Variants in STK32B observed in about 807,000 individuals in gnomAD.
STK32B encodes serine/threonine kinase 32B.
In STK32B, 43 loss-of-function variants were observed where a neutral mutation model predicts 52.6. That is an observed-to-expected ratio of 0.82 (90% CI 0.64 to 1.05). The LOEUF (loss-of-function observed/expected upper bound fraction) is 1.05, where lower values mean the gene tolerates loss of function less well. Ranked by LOEUF, STK32B falls within the 50% of genes least tolerant of loss-of-function variation. STK32B has a pLI of 0.00. For missense variants in STK32B, 621 were observed against 534.6 expected (o/e 1.16, Z -1.59); for synonymous variants, 238 against 204.3 (o/e 1.17, Z -1.41).
chr4:5,157,849 C>T lies in STK32B; in HGVS notation c.109-10450C>T, dbSNP rs568818192. ...AGTTGCCTAACTTCTCTGAGCCTCACGTTAGCTGCTATTCCTATGTAGGAA... is the reference window on the plus strand; with the variant it reads ...AGTTGCCTAACTTCTCTGAGCCTCATGTTAGCTGCTATTCCTATGTAGGAA... On this transcript the variant is annotated intron_variant, in intron 2 of 11. Coordinates refer to ENST00000282908, the MANE Select transcript of STK32B (RefSeq NM_018401.3). Among the ~76,000 whole-genome samples the T allele has an allele frequency of 6.6e-5, 10 of 152,314 alleles. No individual in the cohort carries two copies. The South Asian group carries it at 1.2e-3, about 19-fold the overall frequency.
chr4:5,238,424 C>A (rs1240164069), intron 3 of STK32B, among the ~76,000 whole-genome samples: 1 of 152,080 alleles, frequency 6.6e-6, no homozygotes, highest in Non-Finnish European at 1.5e-5. Flanking sequence ...AGGACCCACC[C>A]TAATTCAGAA....
chr4:5,199,270 C>T lies in STK32B; in HGVS notation c.260+30820C>T, dbSNP rs1170393569. 3.9e-5 allele frequency among the ~76,000 whole-genome samples: 6 copies of T among 152,304 alleles called. No individual in the cohort carries two copies. In the East Asian group the frequency reaches 5.8e-4, roughly 15 times the overall value. ...CAAGCAAGGCAGGCTTGTGCATCAA[C>T]ATTGTGCAGAAAGTAGAAGGACTAA... is the stretch of plus-strand genomic sequence containing the variant. On this transcript the variant is annotated intron_variant, in intron 3 of 11. Transcript: ENST00000282908.
intron 1 of STK32B, among the ~76,000 whole-genome samples, chr4:5,113,525 G>A (rs1345940976): frequency 1.3e-5 from 2 of 151,778 alleles, no homozygotes; most frequent in Admixed American, 1.3e-4. Flanking sequence ...TTTTGGGTTT[G>A]TTTATTACAG....
chr4:5,019,580 AG>A, the STK32B span: 1 of 958,056 alleles, frequency 1.0e-6, no homozygotes, highest in Non-Finnish European at 1.4e-6. Flanking sequence ...AGAGGAAGCC[AG>A]CACGCCCACC....
chr4:5,133,509 A>G (rs760484447), intron 1 of STK32B, among the ~76,000 whole-genome samples: 3 of 152,170 alleles, frequency 2.0e-5, no homozygotes, highest in Non-Finnish European at 2.9e-5. Flanking sequence ...GTGAGTACTT[A>G]ACACAGCACT....
At chr4:5,188,494 C>G (rs1021686631) in intron 3 of STK32B, among the ~76,000 whole-genome samples, 6 of 152,112 alleles carry the variant, frequency 3.9e-5, no homozygotes, top group African/African-American at 1.4e-4. Context: ...ACTCACTGTT[C>G]TCTCTGCCTG....
At chr4:5,202,781 T>TTA (rs1722260032) in intron 3 of STK32B, among the ~76,000 whole-genome samples, 1 of 152,224 alleles carries the variant, frequency 6.6e-6, no homozygotes, top group Admixed American at 6.5e-5. Flanking sequence ...TTCCATCCCC[T>TTA]CATGTCTGTA....
At position 5,398,311 on chromosome 4, in the gene STK32B, G is replaced by T. The variant is rs372485260; in HGVS notation, c.472+67G>T. 3.2e-5 allele frequency: 50 copies of T among 1,554,964 alleles called. No individual in the cohort carries two copies. Among genetic ancestry groups the T allele is most frequent in the Admixed American group, 2.4e-4 (14 of 58,608 alleles). Reference sequence around the variant, plus strand: ...AGTTTGAGGCACTGGGAAATAGTGCGGGGGTGGGGGTTGGGTCTTGCTGAG... The same window carrying T: ...AGTTTGAGGCACTGGGAAATAGTGCTGGGGTGGGGGTTGGGTCTTGCTGAG... On this transcript the variant is annotated intron_variant, in intron 5 of 11. Coordinates refer to ENST00000282908, the MANE Select transcript of STK32B (RefSeq NM_018401.3). This position sits in a 1 kb window ranked among gnomAD's most constrained non-coding sequence, Gnocchi z 4.9.
intron 6 of STK32B, among the ~76,000 whole-genome samples, chr4:5,444,322 C>T (rs560422293): frequency 7.2e-4 from 110 of 152,314 alleles, no homozygotes; most frequent in African/African-American, 2.4e-3. Flanking sequence ...TTTTTAAGCC[C>T]GTCGGAAAAG....
At chr4:5,330,884 C>T (rs1732194493) in intron 3 of STK32B, among the ~76,000 whole-genome samples, 1 of 152,140 alleles carries the variant, frequency 6.6e-6, no homozygotes, top group Non-Finnish European at 1.5e-5. Flanking sequence ...ACAGTGACAC[C>T]ATCTAATTAA....
At chr4:5,200,877 C>T (rs1722085118) in intron 3 of STK32B, among the ~76,000 whole-genome samples, 1 of 152,150 alleles carries the variant, frequency 6.6e-6, no homozygotes, top group Non-Finnish European at 1.5e-5. Context: ...GGCATCAGTA[C>T]TTGGAAAGCT....
intron 7 of STK32B, among the ~76,000 whole-genome samples, chr4:5,454,997 G>T (rs1716367474): frequency 6.6e-6 from 1 of 152,144 alleles, no homozygotes; most frequent in Non-Finnish European, 1.5e-5. Context: ...TTTTGGTTTT[G>T]CTCTGCCTAT....
chr4:5,096,346 T>C (rs1438549691), intron 1 of STK32B, among the ~76,000 whole-genome samples: 1 of 152,220 alleles, frequency 6.6e-6, no homozygotes, highest in Non-Finnish European at 1.5e-5. Context: ...TCTCCTGGCA[T>C]GATTGGCTGT....
chr4:5,152,357 AC>A (rs1717438769), intron 2 of STK32B, among the ~76,000 whole-genome samples: 1 of 152,130 alleles, frequency 6.6e-6, no homozygotes, highest in African/African-American at 2.4e-5. Flanking sequence ...CAACCTGGAC[AC>A]ATCACTAGCC....
At position 5,394,709 on chromosome 4, in the gene STK32B, T is replaced by C. The variant is rs1480719157; in HGVS notation, c.435-3498T>C. ...CACACTGCACTGGGACTGTGTGAAG[T>C]GCTGAACAAATGTCATCTCATTGTA... On this transcript the variant is annotated intron_variant, in intron 4 of 11. Coordinates refer to ENST00000282908, the MANE Select transcript of STK32B (RefSeq NM_018401.3). This position sits in a 1 kb window ranked among gnomAD's most constrained non-coding sequence, Gnocchi z 4.2. Among the ~76,000 whole-genome samples, 6 of 152,198 alleles carry C rather than the reference T, an allele frequency of 3.9e-5. No individual in the cohort carries two copies. The highest frequency in any genetic ancestry group is 3.3e-4 in the Admixed American group (5 of 15,282).
chr4:5,021,489 C>T, the STK32B span, among the ~76,000 whole-genome samples: 1 of 152,150 alleles, frequency 6.6e-6, no homozygotes, highest in African/African-American at 2.4e-5. Context: ...GAATAGCTGG[C>T]CCCAGCTGGG....
At chr4:5,174,605 T>C (rs1252598872) in intron 3 of STK32B, among the ~76,000 whole-genome samples, 3 of 152,214 alleles carry the variant, frequency 2.0e-5, no homozygotes, top group Non-Finnish European at 4.4e-5. Context: ...AAAATTCTTT[T>C]ATTTAAGAAT....
At chr4:5,114,306 T>C (rs1228897829) in intron 1 of STK32B, among the ~76,000 whole-genome samples, 1 of 151,900 alleles carries the variant, frequency 6.6e-6, no homozygotes, top group Non-Finnish European at 1.5e-5. Flanking sequence ...CACATCCTTC[T>C]GGTCTCAGTT....
chr4:5,176,844 A>G (rs1719943143), intron 3 of STK32B, among the ~76,000 whole-genome samples: 1 of 152,112 alleles, frequency 6.6e-6, no homozygotes, highest in African/African-American at 2.4e-5. Context: ...TATATAAGAA[A>G]ATTATCTGCA....
Sources: allele counts gnomAD v4.1 joint callset (sites outside exome capture counted in the v4.1 genomes callset), GRCh38; gene constraint gnomAD v4.1.1; non-coding constraint Gnocchi (gnomAD v3.1); transcripts MANE v1.5; gene names NCBI Gene and HGNC (gene_info 2026-07-23, HGNC 2026-07-21).